Variants in KIF2A observed in about 807,000 individuals in gnomAD.
KIF2A encodes the protein kinesin-like protein KIF2A.
KIF2A carries 22 observed loss-of-function variants against 100.2 expected under a neutral mutation model. That is an observed-to-expected ratio of 0.22 (90% CI 0.16 to 0.31). The LOEUF is 0.31. Ranked by LOEUF, KIF2A falls within the 10% of genes least tolerant of loss-of-function variation. KIF2A has a pLI of 1.00. For missense variants in KIF2A, 495 were observed against 898.7 expected, an observed-to-expected ratio of 0.55 and a Z score of 5.74; for synonymous variants, 268 against 285.9, an observed-to-expected ratio of 0.94 and a Z score of 0.63.
At chr5:62,350,213 G>T in intron 4 of KIF2A, 93 bp downstream of exon 4, 3 of 685,496 alleles carry the variant, frequency 4.4e-6, no homozygotes, top group South Asian at 2.0e-5. Flanking sequence ...CCTTGATGTT[G>T]GTATTTATTT....
At chr5:62,378,800 C>G (rs573487099) in intron 19 of KIF2A, among the ~76,000 whole-genome samples, 2 of 151,920 alleles carry the variant, frequency 1.3e-5, no homozygotes, top group South Asian at 4.2e-4. Context: ...TGCCTGTAGT[C>G]CCAGCTACTC....
chr5:62,310,272 T>C (rs1004126193), intron 1 of KIF2A, among the ~76,000 whole-genome samples: 2 of 152,078 alleles, frequency 1.3e-5, no homozygotes, highest in African/African-American at 4.8e-5. Context: ...CAGGCTGGTC[T>C]CGAACTCCTG....
intron 1 of KIF2A, among the ~76,000 whole-genome samples, chr5:62,328,961 C>T (rs1401493007): frequency 6.6e-6 from 1 of 152,164 alleles, no homozygotes; most frequent in Non-Finnish European, 1.5e-5. Flanking sequence ...GTTTCCCCAT[C>T]ACCCTATAGA....
chr5:62,367,727 T>C (rs112435462), intron 16 of KIF2A, among the ~76,000 whole-genome samples: 9 of 152,348 alleles, frequency 5.9e-5, no homozygotes, highest in African/African-American at 2.2e-4. Context: ...TTTGGAACTT[T>C]GAATTATAAT....
intron 7 of KIF2A, among the ~76,000 whole-genome samples, chr5:62,356,546 T>C (rs1306300183): frequency 6.6e-6 from 1 of 152,212 alleles, no homozygotes; most frequent in Non-Finnish European, 1.5e-5. Flanking sequence ...TTAATTATTA[T>C]TAAAATGAGG....
rs757038674 is a variant in KIF2A at position 62,348,061 on chromosome 5, G to A, written c.173G>A (p.Ser58Asn). Residue 58 changes from serine to asparagine, a missense_variant, in exon 3 of 21, where the codon AGC becomes AAC. This residue lies in a region of KIF2A where 115 missense variants were observed against 143.6 expected (regional missense o/e 0.80). Coordinates refer to ENST00000407818, the MANE Select transcript of KIF2A (RefSeq NM_001098511.3). ...DTKGKEIDLE[S>N]IFSLNPDLVP... The stretch of plus-strand genomic sequence containing the variant: ...TGTTGTGAACAGATTGACCTGGAGA[G>A]CATCTTTTCACTTAACCCTGACCTT... 1.2e-6 allele frequency: 2 copies of A among 1,613,744 alleles called. No homozygotes were observed. The highest frequency in any genetic ancestry group is 2.2e-5 in the South Asian group (2 of 91,074).
rs1002178366 is a variant in KIF2A, at chr5:62,352,643, A to G, written c.390A>G (p.Ala130=). 15 of 1,608,878 alleles carry G rather than the reference A, an allele frequency of 9.3e-6. No individual in the cohort carries two copies. The highest frequency in any genetic ancestry group is 1.6e-4 in the Middle Eastern group (1 of 6,070). The stretch of plus-strand genomic sequence containing the variant: ...AATTTCCTGAACAGTCTTCCTCTGC[A>G]CAACAGAATGGTAGTGTTTCAGATA... The part of the protein sequence containing the change: ...PSQFPEQSSS[A]QQNGSVSDIS... Residue 130 remains alanine (A), a synonymous_variant, in exon 5 of 21, where the codon GCA becomes GCG. Transcript: ENST00000407818.
intron 4 of KIF2A, 35 bp from the exon 5 acceptor site, chr5:62,352,552 TA>T (rs1428554836): frequency 6.7e-7 from 1 of 1,487,762 alleles, no homozygotes; most frequent in Non-Finnish European, 9.0e-7. Flanking sequence ...ACTAATTTTC[TA>T]TCCTGAATTT....
At chr5:62,332,003 TCTC>T (rs1746682194) in intron 1 of KIF2A, among the ~76,000 whole-genome samples, 1 of 152,228 alleles carries the variant, frequency 6.6e-6, no homozygotes, top group African/African-American at 2.4e-5. Flanking sequence ...TTGGCTCTTG[TCTC>T]CTCCATTTGC....
intron 11 of KIF2A, 113 bp downstream of exon 11, chr5:62,361,642 C>A: frequency 1.6e-6 from 1 of 612,442 alleles, no homozygotes; most frequent in Non-Finnish European, 2.9e-6. Context: ...TATTAACTGT[C>A]TATTATGTCA....
rs200824652 is a variant in KIF2A, at chr5:62,371,299, ATAAACT to A, written c.1647-1137_1647-1132del. Among the ~76,000 whole-genome samples, 16 of 152,318 alleles carry A rather than the reference ATAAACT, an allele frequency of 1.1e-4. No homozygotes were observed. The East Asian group carries it at 3.1e-3, about 29-fold the overall frequency. ...TTAGATTTTTCAGCATGTGTGGTAA[ATAAACT>A]TTAAGGATAAAAGGCAGATGAATCC... On this transcript the variant is annotated intron_variant, in intron 16 of 20. Transcript: ENST00000407818.
chr5:62,388,881 T>C lies in KIF2A; in HGVS notation c.*3312T>C. The C allele has an allele frequency of 1.3e-6, 1 of 788,006 alleles. No individual in the cohort carries two copies. Among genetic ancestry groups the C allele is most frequent in the African/African-American group, 1.8e-5 (1 of 56,678 alleles). 48.8% of individuals were successfully genotyped at this position (788,006 alleles called of 1,614,324 possible). ...TCAGAATCATAAATGGTGACAACAG[T>C]AGTAGTATTGAACCAAAAATAGTCA... On this transcript the variant is annotated 3_prime_UTR_variant, in exon 21 of 21. Coordinates refer to ENST00000407818, the MANE Select transcript of KIF2A (RefSeq NM_001098511.3).
chr5:62,339,963 A>T (rs1336816163), intron 1 of KIF2A, among the ~76,000 whole-genome samples: 1 of 143,856 alleles, frequency 7.0e-6, no homozygotes, highest in Non-Finnish European at 1.5e-5. Context: ...TTTGAGACAG[A>T]ATTTTGCTCT....
chr5:62,372,809 T>TA, intron 17 of KIF2A, among the ~76,000 whole-genome samples: 1 of 152,214 alleles, frequency 6.6e-6, no homozygotes, highest in East Asian at 1.9e-4. Context: ...TTTGCATACT[T>TA]ACCATTAAAA....
intron 1 of KIF2A, among the ~76,000 whole-genome samples, chr5:62,307,596 A>G (rs3776612): frequency 0.056 from 8,426 of 151,440 alleles, 318 homozygotes; most frequent in East Asian, 0.13. Context: ...CGAGTTGAGC[A>G]GTGTTCCTGA....
chr5:62,379,433 C>T (rs867555744), intron 19 of KIF2A, among the ~76,000 whole-genome samples: 1 of 152,074 alleles, frequency 6.6e-6, no homozygotes, highest in Non-Finnish European at 1.5e-5. Flanking sequence ...GAGGCCGAGA[C>T]GGGTGGATCA....
chr5:62,361,557 G>A, intron 11 of KIF2A, 28 bp downstream of exon 11: 1 of 1,281,776 alleles, frequency 7.8e-7, no homozygotes, highest in Non-Finnish European at 1.1e-6. Flanking sequence ...ATAAAATTTG[G>A]AATATTCTTC....
chr5:62,375,482 C>T (rs949706274), intron 18 of KIF2A, among the ~76,000 whole-genome samples: 2 of 152,180 alleles, frequency 1.3e-5, no homozygotes, highest in Admixed American at 6.5e-5. Context: ...CAAGATTTTA[C>T]AAGTAGTAAG....
Position 62,306,455 on chromosome 5 carries a change from G to C in KIF2A, c.-18G>C. On this transcript the variant is annotated 5_prime_UTR_variant, in exon 1 of 21. Transcript: ENST00000407818. ...GGTCCCCCTCCCTCGGCCCGCTGCT[G>C]CTGCTCCAGATGAGGTGATGGCAAC... 1 of 1,539,696 alleles carries C rather than the reference G, an allele frequency of 6.5e-7. No homozygotes were observed. The highest frequency in any genetic ancestry group is 8.8e-7 in the Non-Finnish European group (1 of 1,141,970).
Sources: allele counts gnomAD v4.1 joint callset (sites outside exome capture counted in the v4.1 genomes callset), GRCh38; gene constraint gnomAD v4.1.1; regional missense constraint gnomAD v4.1.1; transcripts MANE v1.5; gene names NCBI Gene and HGNC (gene_info 2026-07-23, HGNC 2026-07-21).